PQBP1: variants seen among roughly 807,000 people sequenced by gnomAD.
The protein encoded by PQBP1 is polyglutamine-binding protein 1.
PQBP1 carries 3 observed loss-of-function variants against 20.9 expected under a neutral mutation model. That is an observed-to-expected ratio of 0.14 (90% CI 0.07 to 0.37). The LOEUF (loss-of-function observed/expected upper bound fraction) is 0.37. Among genes scored for constraint, PQBP1 ranks in the 10% least tolerant of loss-of-function variants. The probability of loss-of-function intolerance (pLI) is 1.00; values close to 1 mark genes in which losing one functional copy is unlikely to be tolerated. For missense variants in PQBP1, 162 were observed against 240.3 expected (o/e 0.67, Z 2.16); for synonymous variants, 83 against 93.8 (o/e 0.88, Z 0.67).
intron 2 of PQBP1, among the ~76,000 whole-genome samples, chrX:48,899,422 C>G (rs1358163066): frequency 6.3e-5 from 7 of 111,363 alleles, no homozygotes; most frequent in African/African-American, 2.3e-4. Context: ...AAAACCCCGT[C>G]TTTACAAAAA....
chrX:48,902,578 A>C, intron 5 of PQBP1, 61 bp downstream of exon 5: 1 of 1,174,286 alleles, frequency 8.5e-7, no homozygotes, highest in Non-Finnish European at 1.1e-6. Flanking sequence ...CTGCGTGAGG[A>C]AGCCTTCCCT....
At chrX:48,899,865 G>C (rs1037059205) in intron 2 of PQBP1, among the ~76,000 whole-genome samples, 1 of 111,678 alleles carries the variant, frequency 9.0e-6, no homozygotes, top group Non-Finnish European at 1.9e-5. Flanking sequence ...AGTGTGCCAG[G>C]CACTGGAAAA....
Position 48,898,632 on chromosome X carries a change from T to C in PQBP1, c.67+56T>C, listed in dbSNP as rs1478863504. On this transcript the variant is annotated intron_variant, in intron 2 of 6. Coordinates refer to ENST00000447146, the MANE Select transcript of PQBP1 (RefSeq NM_001032382.2). ...ACGTGCCAGCCTCGACAGGCACTTT[T>C]GTTGTTGATACTGACGCTTGATACC... 3.6e-6 allele frequency: 4 copies of C among 1,113,648 alleles called. No homozygotes were observed. The African/African-American group carries it at 7.3e-5, about 20-fold the overall frequency. 91.8% of individuals were successfully genotyped at this position (1,113,648 alleles called of 1,213,427 possible). A position where few individuals can be genotyped will look rare whatever the true frequency, so the allele number is the denominator to read the frequency against.
rs1557041690 is a variant in PQBP1, at chrX:48,902,776, T to C, written c.622T>C (p.Ser208Pro). ...DEELDPMDPS[S>P]YSDAPRGTWS... The stretch of plus-strand genomic sequence containing the variant: ...AGAGTTAGACCCCATGGACCCTAGC[T>C]CATACTCAGACGCCCCCCGGTAAGT... The change falls in exon 6 of 7, where the codon TCA becomes CCA. Residue 208 changes from serine to proline, a missense_variant. Ser to Pro is a moderately conservative substitution (Grantham distance 74). Coordinates refer to ENST00000447146, the MANE Select transcript of PQBP1 (RefSeq NM_001032382.2). 8.3e-7 allele frequency: 1 copy of C among 1,203,450 alleles called. No homozygotes were observed. Among genetic ancestry groups the C allele is most frequent in the Admixed American group, 2.2e-5 (1 of 45,224 alleles).
At chrX:48,900,894 A>G (rs2147466870) in intron 2 of PQBP1, among the ~76,000 whole-genome samples, 1 of 111,625 alleles carries the variant, frequency 9.0e-6, no homozygotes, top group African/African-American at 3.3e-5. Flanking sequence ...CCTGGCCAAG[A>G]TGAGTAAATT....
At chrX:48,898,782 A>ATTTTTT (rs2063349270) in intron 2 of PQBP1, among the ~76,000 whole-genome samples, 1 of 29,169 alleles carries the variant, frequency 3.4e-5, no homozygotes, top group Non-Finnish European at 5.9e-5. Context: ...TAGATATTTC[A>ATTTTTT]TTCTTTTTTT....
chrX:48,901,206 C>T lies in PQBP1; in HGVS notation c.84C>T (p.Ile28=). 1 of 1,209,480 alleles carries T rather than the reference C, an allele frequency of 8.3e-7. No individual in the cohort carries two copies. The highest frequency in any genetic ancestry group is 1.1e-6 in the Non-Finnish European group (1 of 894,530). ...TTCTACCAGAACCAGAGGAAGAGAT[C>T]ATTGCCGAGGACTATGACGATGATC... The part of the protein sequence containing the change: ...KHLEPEPEEE[I]IAEDYDDDPV... The change falls in exon 3 of 7, where the codon ATC becomes ATT. Residue 28 remains isoleucine, a synonymous_variant. Transcript: ENST00000447146.
At chrX:48,898,647 C>T in intron 2 of PQBP1, 71 bp downstream of exon 2, 17 of 1,049,843 alleles carry the variant, frequency 1.6e-5, no homozygotes, top group Non-Finnish European at 2.1e-5. Flanking sequence ...TTGATACTGA[C>T]GCTTGATACC....
chrX:48,902,103 G>C (rs1468760816), intron 4 of PQBP1, 61 bp downstream of exon 4: 12 of 1,208,184 alleles, frequency 9.9e-6, no homozygotes, highest in African/African-American at 8.8e-5. Context: ...GAGAGGCCAA[G>C]TAGAATGATA....
rs781849891 is a variant in PQBP1, at chrX:48,902,340, G to A, written c.400G>A (p.Gly134Ser). Residue 134 changes from glycine (G) to serine (S), a missense_variant, in exon 5 of 7, where the codon GGC becomes AGC. Gly to Ser is a moderately conservative substitution (Grantham distance 56, BLOSUM62 0). Transcript: ENST00000447146. ...LDRGHDKSDRGHDKSDRDRER... is the reference protein window; with the variant it reads ...LDRGHDKSDRSHDKSDRDRER... ...CAGGGGCCACGACAAGTCAGACCGG[G>A]GCCACGACAAGTCTGACAGGGATCG... The A allele has an allele frequency of 2.1e-5, 25 of 1,209,201 alleles. No homozygotes were observed. The highest frequency in any genetic ancestry group is 3.5e-5 in the African/African-American group (2 of 57,031).
rs1465635039 is a variant in PQBP1 at position 48,898,062 on chromosome X, ACTAC to A, written c.-36_-33del. 1 of 1,034,508 alleles carries A rather than the reference ACTAC, an allele frequency of 9.7e-7. No individual in the cohort carries two copies. Among genetic ancestry groups the A allele is most frequent in the Non-Finnish European group, 1.2e-6 (1 of 809,169 alleles). The allele number at this position is 1,034,508 out of a possible 1,213,427, so 85.3% of individuals were successfully genotyped here. Reference sequence around the variant, plus strand: ...GAGACGGGCGGTGTGACAGCCTTCCACTACCTGCACGAGTGTATTGGTAACGTTG... The same window carrying A: ...GAGACGGGCGGTGTGACAGCCTTCCACTGCACGAGTGTATTGGTAACGTTG... On this transcript the variant is annotated 5_prime_UTR_variant, in exon 1 of 7. Coordinates refer to ENST00000447146, the MANE Select transcript of PQBP1 (RefSeq NM_001032382.2).
At chrX:48,899,087 C>T (rs781934971) in intron 2 of PQBP1, among the ~76,000 whole-genome samples, 17 of 107,175 alleles carry the variant, frequency 1.6e-4, no homozygotes, top group Non-Finnish European at 2.9e-4. Context: ...AAGCGATTTT[C>T]CTGTCTCAGC....
At chrX:48,898,409 A>G in intron 1 of PQBP1, 83 bp from the exon 2 acceptor site, 1 of 867,863 alleles carries the variant, frequency 1.2e-6, no homozygotes, top group East Asian at 3.2e-5. Flanking sequence ...AGATGAGTAC[A>G]TGTTTACGGG....
chrX:48,900,064 C>T (rs1329441562), intron 2 of PQBP1, among the ~76,000 whole-genome samples: 1 of 109,414 alleles, frequency 9.1e-6, no homozygotes, highest in African/African-American at 3.3e-5. Context: ...TTCTGGCTAA[C>T]AGGGTGAAAC....
rs1160156771 is a variant in PQBP1 at position 48,902,510 on chromosome X, CAAG to C, written c.574_576del (p.Lys192del). ...AGGAGCTGGCTCCCTATCCCAAGAG[CAAG>C]AAGGGTAAGCTGGGCAGAATGGGGC... On this transcript the variant is annotated inframe_deletion, in exon 5 of 7. Coordinates refer to ENST00000447146, the MANE Select transcript of PQBP1 (RefSeq NM_001032382.2). The C allele has an allele frequency of 1.7e-6, 2 of 1,201,496 alleles. No individual in the cohort carries two copies. The highest frequency in any genetic ancestry group is 2.3e-5 in the Admixed American group (1 of 44,191).
chrX:48,897,993 G>A lies in PQBP1; in HGVS notation c.-108G>A. ...GAGAAGGTCTCATTCGGTGTTTTGGGAAGAGAGTCGTGTGGGCCCAGGTAT... is the reference window on the plus strand; with the variant it reads ...GAGAAGGTCTCATTCGGTGTTTTGGAAAGAGAGTCGTGTGGGCCCAGGTAT... On this transcript the variant is annotated 5_prime_UTR_variant, in exon 1 of 7. Transcript: ENST00000447146. 3.1e-6 allele frequency: 3 copies of A among 966,879 alleles called. No homozygotes were observed. Among genetic ancestry groups the A allele is most frequent in the Non-Finnish European group, 1.4e-6 (1 of 735,183 alleles). 79.7% of individuals were successfully genotyped at this position (966,879 alleles called of 1,213,427 possible).
chrX:48,899,486 GA>G (rs2063369389), intron 2 of PQBP1, among the ~76,000 whole-genome samples: 1 of 111,562 alleles, frequency 9.0e-6, no homozygotes, highest in East Asian at 2.8e-4. Context: ...AGCTACTTGG[GA>G]GGCTGAGGTG....
intron 2 of PQBP1, among the ~76,000 whole-genome samples, chrX:48,900,313 T>A (rs1211830836): frequency 1.5e-5 from 1 of 65,512 alleles, no homozygotes; most frequent in African/African-American, 6.3e-5. Flanking sequence ...TTTTTTTTTT[T>A]GAGAGAGTCT....
chrX:48,901,959 C>G lies in PQBP1; in HGVS notation c.209C>G (p.Thr70Arg). ...CGLPYYWNAD[T>R]DLVSWLSPHD... ...CTCCCTTACTACTGGAATGCAGACACAGACCTTGTATCCTGGCTCTCCCCA... is the reference window on the plus strand; with the variant it reads ...CTCCCTTACTACTGGAATGCAGACAGAGACCTTGTATCCTGGCTCTCCCCA... The change falls in exon 4 of 7, where the codon ACA (threonine) becomes AGA (arginine). Residue 70 changes from threonine to arginine, a missense_variant. Thr to Arg is a moderately conservative substitution (Grantham distance 71). Transcript: ENST00000447146. 8.3e-7 allele frequency: 1 copy of G among 1,212,001 alleles called. No homozygotes were observed. Among genetic ancestry groups the G allele is most frequent in the Non-Finnish European group, 1.1e-6 (1 of 895,580 alleles).
Sources: gnomAD v4.1 joint callset for allele counts (sites outside exome capture counted in the v4.1 genomes callset) on GRCh38, gnomAD v4.1.1 for gene constraint, MANE v1.5 for transcripts, NCBI Gene and HGNC (gene_info 2026-07-23, HGNC 2026-07-21) for gene names.